The following CDK16 variants were observed in gnomAD, a reference collection of about 807,000 sequenced individuals.
CDK16 encodes cyclin dependent kinase 16, also known as cyclin-dependent kinase 16.
Under a neutral mutation model 41.6 loss-of-function variants are expected in CDK16, and 2 were observed. That is an observed-to-expected ratio of 0.05 (90% CI 0.02 to 0.15). CDK16 has a LOEUF of 0.15. CDK16 is among the 10% of genes least tolerant of loss of function. CDK16 has a pLI of 1.00. For missense variants in CDK16, 228 were observed against 428.9 expected, an observed-to-expected ratio of 0.53 and a Z score of 4.14; for synonymous variants, 169 against 169.7, an observed-to-expected ratio of 1.00 and a Z score of 0.03.
At chrX:47,219,960 T>A (rs1287510285) in intron 1 of CDK16, among the ~76,000 whole-genome samples, 2 of 110,048 alleles carry the variant, frequency 1.8e-5, no homozygotes, top group Admixed American at 9.6e-5. Flanking sequence ...GAGAATTGCG[T>A]GTCTGTCTGG....
At chrX:47,218,457 G>C (rs1297448091), upstream of CDK16, 3 of 527,697 alleles carry the variant, frequency 5.7e-6, no homozygotes, top group Non-Finnish European at 5.9e-6. Flanking sequence ...ACCGAGTAGG[G>C]GGAACGAGTG....
rs1022121403 is a variant in CDK16, at chrX:47,223,350, G to A, written c.-6-202G>A. The stretch of plus-strand genomic sequence containing the variant: ...GAGCAGGGTCCCAGTGGGGCTGGCT[G>A]TGTGGGTGGGCAGGTACTGACAAAG... On this transcript the variant is annotated intron_variant, in intron 1 of 15. Coordinates refer to ENST00000357227, the MANE Select transcript of CDK16 (RefSeq NM_006201.5). 2.6e-5 allele frequency: 29 copies of A among 1,117,311 alleles called. No individual in the cohort carries two copies. The African/African-American group carries it at 4.6e-4, about 18-fold the overall frequency. 92.1% of individuals were successfully genotyped at this position (1,117,311 alleles called of 1,213,427 possible). A position where few individuals can be genotyped will look rare whatever the true frequency, so the allele number is the denominator to read the frequency against.
Position 47,218,919 on chromosome X carries a change from G to A in CDK16, c.-193G>A, listed in dbSNP as rs1556796316. On this transcript the variant is annotated 5_prime_UTR_variant, in exon 1 of 16. Coordinates refer to ENST00000357227, the MANE Select transcript of CDK16 (RefSeq NM_006201.5). ...CGCCGCCTCCGCCTCAGCCACCGCC[G>A]CCGCCGCCGCCTCCTCCTCCTCAGC... 2 of 1,033,566 alleles carry A rather than the reference G, an allele frequency of 1.9e-6. No homozygotes were observed. The highest frequency in any genetic ancestry group is 2.5e-6 in the Non-Finnish European group (2 of 809,047). 85.2% of individuals were successfully genotyped at this position (1,033,566 alleles called of 1,213,427 possible).
Position 47,218,731 on chromosome X carries a change from C to G in CDK16, c.-381C>G, listed in dbSNP as rs782047745. ...GTGCGCATGCGCGGAGCGCGGCGCG[C>G]GCGGCGGTTGGGCCGTTGGCTGTTC... On this transcript the variant is annotated 5_prime_UTR_variant, in exon 1 of 16. Transcript: ENST00000357227. 4.3e-6 allele frequency: 5 copies of G among 1,159,008 alleles called. No individual in the cohort carries two copies. The highest frequency in any genetic ancestry group is 2.7e-5 in the Admixed American group (1 of 37,658).
chrX:47,221,654 G>A (rs1041650682), intron 1 of CDK16, among the ~76,000 whole-genome samples: 1 of 111,733 alleles, frequency 8.9e-6, no homozygotes, highest in Non-Finnish European at 1.9e-5. Flanking sequence ...GGGACACAAG[G>A]TTGTCTTTGG....
intron 1 of CDK16, chrX:47,223,008 C>T (rs1937410148): frequency 9.8e-6 from 10 of 1,020,821 alleles, no homozygotes; most frequent in Non-Finnish European, 1.3e-5. Flanking sequence ...GTTGTCATGA[C>T]GATGAGTGCT....
chrX:47,225,258 A>C (rs1424887273), intron 6 of CDK16, among the ~76,000 whole-genome samples, 156 bp downstream of exon 6: 1 of 111,685 alleles, frequency 9.0e-6, no homozygotes, highest in Non-Finnish European at 1.9e-5. Flanking sequence ...TAATCAGGGT[A>C]ACCAGGAATC....
chrX:47,228,134 A>G (rs1299350176), intron 14 of CDK16: 1 of 121,632 alleles, frequency 8.2e-6, no homozygotes, highest in African/African-American at 3.2e-5. Flanking sequence ...GATTATTTTG[A>G]ATCACATCCA....
rs1937221365 is a variant in CDK16 at position 47,219,197 on chromosome X, G to A, written c.-7+92G>A. 13 of 751,942 alleles carry A rather than the reference G, an allele frequency of 1.7e-5. No homozygotes were observed. The South Asian group carries it at 4.8e-4, about 27-fold the overall frequency. 62.0% of individuals were successfully genotyped at this position (751,942 alleles called of 1,213,427 possible). A position where few individuals can be genotyped will look rare whatever the true frequency, so the allele number is the denominator to read the frequency against. ...GGGGTCTGGGCTGCGGGGCTGGCAG[G>A]TGCCCCCACCCCCGGCGAATTTCCC... is the stretch of plus-strand genomic sequence containing the variant. On this transcript the variant is annotated intron_variant, in intron 1 of 15. Transcript: ENST00000357227.
At chrX:47,220,903 A>G (rs971804531) in intron 1 of CDK16, among the ~76,000 whole-genome samples, 1 of 111,272 alleles carries the variant, frequency 9.0e-6, no homozygotes, top group Non-Finnish European at 1.9e-5. Flanking sequence ...TAGGGGGAAC[A>G]GTACGTTAAT....
intron 2 of CDK16, among the ~76,000 whole-genome samples, chrX:47,224,007 G>A (rs1937465305): frequency 9.0e-6 from 1 of 111,233 alleles, no homozygotes; most frequent in South Asian, 3.8e-4. Flanking sequence ...TGTCACAGCT[G>A]CCCCAAGGCT....
In CDK16 at chrX:47,224,974, TC is replaced by T. The variant is rs1165375931; in HGVS notation, c.520-12del. 5.8e-6 allele frequency: 7 copies of T among 1,198,928 alleles called. No individual in the cohort carries two copies. The highest frequency in any genetic ancestry group is 7.9e-6 in the Non-Finnish European group (7 of 887,203). On this transcript the variant is annotated splice_polypyrimidine_tract_variant and intron_variant, in intron 5 of 15. Coordinates refer to ENST00000357227, the MANE Select transcript of CDK16 (RefSeq NM_006201.5). ...CTCATAGCACCTCTCCTGTCACACT[TC>T]CTCACATTCCAGGGTACCTATGCCA... is the stretch of plus-strand genomic sequence containing the variant.
intron 8 of CDK16, 62 bp downstream of exon 8, chrX:47,226,089 A>G: frequency 8.8e-7 from 1 of 1,140,653 alleles, no homozygotes. Context: ...CCAACCCACA[A>G]ATCTCCCAGA....
Position 47,218,791 on chromosome X carries a change from C to T in CDK16, c.-321C>T, listed in dbSNP as rs1211798746. 10 of 1,150,660 alleles carry T rather than the reference C, an allele frequency of 8.7e-6. No individual in the cohort carries two copies. In the Admixed American group the frequency reaches 1.8e-4, roughly 21 times the overall value. The allele number at this position is 1,150,660 out of a possible 1,213,427, so 94.8% of individuals were successfully genotyped here. ...ATCCGCCGCCACTCCGCGATCAGAC[C>T]GCTCTGTGCCGCGAGCCGCCGTGAG... On this transcript the variant is annotated 5_prime_UTR_variant, in exon 1 of 16. Coordinates refer to ENST00000357227, the MANE Select transcript of CDK16 (RefSeq NM_006201.5).
chrX:47,219,526 G>A (rs1425443755), intron 1 of CDK16, among the ~76,000 whole-genome samples: 1 of 110,015 alleles, frequency 9.1e-6, no homozygotes, highest in African/African-American at 3.3e-5. Context: ...GTGTATAACG[G>A]GGGGTAGGGT....
At chrX:47,222,957 TCCCC>T in intron 1 of CDK16, 1 of 244,974 alleles carries the variant, frequency 4.1e-6, no homozygotes, top group Non-Finnish European at 5.7e-6. Flanking sequence ...CACGCTCCCC[TCCCC>T]CCCCCCACCT....
At chrX:47,222,893 C>CGGTGGT in intron 1 of CDK16, 1 of 389,367 alleles carries the variant, frequency 2.6e-6, no homozygotes, top group Non-Finnish European at 4.0e-6. Context: ...TGAGACCCCC[C>CGGTGGT]CGCCCTCCAC....
chrX:47,218,708 G>A lies in CDK16; in HGVS notation c.-404G>A, dbSNP rs1556796118. 1 of 1,164,203 alleles carries A rather than the reference G, an allele frequency of 8.6e-7. No individual in the cohort carries two copies. The highest frequency in any genetic ancestry group is 1.1e-6 in the Non-Finnish European group (1 of 871,826). On this transcript the variant is annotated 5_prime_UTR_variant, in exon 1 of 16. Transcript: ENST00000357227. ...ACTTCACCCTTCCGAGCGCCTGCGT[G>A]CGCATGCGCGGAGCGCGGCGCGCGC...
chrX:47,226,531 G>A lies in CDK16; in HGVS notation c.917-52G>A, dbSNP rs375270369. 85 of 1,199,785 alleles carry A rather than the reference G, an allele frequency of 7.1e-5. No homozygotes were observed. The African/African-American group carries it at 1.1e-3, about 15-fold the overall frequency. On this transcript the variant is annotated intron_variant, in intron 9 of 15. Coordinates refer to ENST00000357227, the MANE Select transcript of CDK16 (RefSeq NM_006201.5). The stretch of plus-strand genomic sequence containing the variant: ...CCTCAGTCTCAACTGCACTCTCCCC[G>A]AGACTTTGCCCATGACTCCCTCATT...
Sources: allele counts gnomAD v4.1 joint callset (sites outside exome capture counted in the v4.1 genomes callset), GRCh38; gene constraint gnomAD v4.1.1; transcripts MANE v1.5; gene names NCBI Gene and HGNC (gene_info 2026-07-23, HGNC 2026-07-21).